ZNF827: variants seen among roughly 807,000 people sequenced by gnomAD.
ZNF827 encodes zinc finger protein 827.
ZNF827 carries 13 observed loss-of-function variants against 102.4 expected under a neutral mutation model. That is an observed-to-expected ratio of 0.13 (90% CI 0.08 to 0.20). The LOEUF (loss-of-function observed/expected upper bound fraction) is 0.20, where lower values mean the gene tolerates loss of function less well. Ranked by LOEUF, ZNF827 falls within the 10% of genes least tolerant of loss-of-function variation. The pLI is 1.00. For synonymous variants in ZNF827, 523 were observed against 536.2 expected (o/e 0.98, Z 0.34); for missense variants, 1,103 against 1,344.4 (o/e 0.82, Z 2.81).
intron 2 of ZNF827, among the ~76,000 whole-genome samples, chr4:145,900,825 C>T (rs1429964020): frequency 1.3e-5 from 2 of 152,130 alleles, no homozygotes; most frequent in Non-Finnish European, 1.5e-5. Flanking sequence ...CTCCTTTGCT[C>T]TTCTCCTTGT....
intron 1 of ZNF827, among the ~76,000 whole-genome samples, chr4:145,915,218 C>A (rs1053067253): frequency 6.6e-6 from 1 of 152,094 alleles, no homozygotes; most frequent in Non-Finnish European, 1.5e-5. Context: ...GAGGCTGAGG[C>A]GGGTGGATCA....
At chr4:145,872,787 A>C (rs2126767881) in intron 4 of ZNF827, among the ~76,000 whole-genome samples, 1 of 151,740 alleles carries the variant, frequency 6.6e-6, no homozygotes, top group South Asian at 2.1e-4. Flanking sequence ...AGGTAGGAGA[A>C]TCGCTTGAAC....
chr4:145,835,279 A>G (rs966488636), intron 7 of ZNF827: 3 of 151,982 alleles, frequency 2.0e-5, no homozygotes, highest in Non-Finnish European at 4.4e-5. Context: ...GCTTCGGGTA[A>G]CTCTCACAGT....
Position 145,903,050 on chromosome 4 carries a change from G to C in ZNF827, c.209C>G (p.Ser70Cys), listed in dbSNP as rs1236062910. ...IQEQSTSPDT[S>C]LGSTTPSSHT... ...GCTGCTGGGAGTCGTGCTTCCCAAG[G>C]AGGTGTCCGGGGACGTGGACTGCTC... is the stretch of plus-strand genomic sequence containing the variant. The change falls in exon 2 of 15, where the codon TCC becomes TGC. Residue 70 changes from serine (S) to cysteine (C), a missense_variant. By Grantham distance (112) the Ser-to-Cys change is moderately radical (BLOSUM62 -1). This residue lies in a region of ZNF827 where 441 missense variants were observed against 458.6 expected (regional missense o/e 0.96). Transcript: ENST00000508784. 6.2e-7 allele frequency: 1 copy of C among 1,614,084 alleles called. No individual in the cohort carries two copies. Among genetic ancestry groups the C allele is most frequent in the Non-Finnish European group, 8.5e-7 (1 of 1,180,046 alleles).
intron 4 of ZNF827, among the ~76,000 whole-genome samples, chr4:145,879,789 C>G (rs1749511314): frequency 6.6e-6 from 1 of 152,188 alleles, no homozygotes; most frequent in African/African-American, 2.4e-5. Context: ...ATAACAACAT[C>G]CAGAACATGC....
At chr4:145,813,706 C>T (rs1447586230) in intron 8 of ZNF827, among the ~76,000 whole-genome samples, 1 of 152,172 alleles carries the variant, frequency 6.6e-6, no homozygotes, top group Non-Finnish European at 1.5e-5. Context: ...AGATTTTATC[C>T]TGATGACAAC....
At chr4:145,814,790 A>T in intron 8 of ZNF827, among the ~76,000 whole-genome samples, 1 of 149,878 alleles carries the variant, frequency 6.7e-6, no homozygotes, top group Non-Finnish European at 1.5e-5. Flanking sequence ...AAAAAAAAAA[A>T]ATTTGCCGGG....
At chr4:145,794,760 T>G (rs1015838145) in intron 8 of ZNF827, among the ~76,000 whole-genome samples, 1 of 152,148 alleles carries the variant, frequency 6.6e-6, no homozygotes, top group Non-Finnish European at 1.5e-5. Flanking sequence ...GAAAAGGTTT[T>G]TACTTGTCAA....
chr4:145,910,315 A>C (rs1752188856), intron 1 of ZNF827, among the ~76,000 whole-genome samples: 1 of 152,142 alleles, frequency 6.6e-6, no homozygotes, highest in South Asian at 2.1e-4. Context: ...CTTCATATAA[A>C]GTGCTTAGCC....
Position 145,903,171 on chromosome 4 carries a change from C to T in ZNF827, c.88G>A (p.Glu30Lys). ...TCTGAAGAGTTTCCATACCAGTGTT[C>T]TCCTTCACTGAGCTCTCCCTCCGCC... ...EEAEGELSEG[E>K]HWYGNSSETP... Residue 30 changes from glutamate to lysine, a missense_variant, in exon 2 of 15, where the codon GAA (glutamate) becomes AAA (lysine). Coordinates refer to ENST00000508784, the MANE Select transcript of ZNF827 (RefSeq NM_001306215.2). 6.2e-7 allele frequency: 1 copy of T among 1,613,984 alleles called. No homozygotes were observed. The highest frequency in any genetic ancestry group is 1.1e-5 in the South Asian group (1 of 91,066).
intron 1 of ZNF827, among the ~76,000 whole-genome samples, chr4:145,920,464 C>T (rs889393207): frequency 2.6e-5 from 4 of 152,216 alleles, no homozygotes; most frequent in African/African-American, 4.8e-5. Context: ...GCATACGCCA[C>T]GGCCTCTGCT....
At chr4:145,926,985 C>A (rs1254058824) in intron 1 of ZNF827, among the ~76,000 whole-genome samples, 1 of 151,944 alleles carries the variant, frequency 6.6e-6, no homozygotes, top group African/African-American at 2.4e-5. Flanking sequence ...AATTTGATTT[C>A]TCACTTTCTT....
chr4:145,834,399 CCT>C (rs1472344533), intron 7 of ZNF827, among the ~76,000 whole-genome samples: 1 of 152,110 alleles, frequency 6.6e-6, no homozygotes, highest in African/African-American at 2.4e-5. Flanking sequence ...ACCCATCTGA[CCT>C]CTCCCTTCCT....
intron 4 of ZNF827, 46 bp downstream of exon 4, chr4:145,885,610 CAGAGAGAGAGAGAGAGAGAGAG>C (rs200461563): frequency 8.7e-5 from 102 of 1,174,742 alleles, no homozygotes; most frequent in South Asian, 5.2e-4. Context: ...TAGACAGAGA[CAGAGAGAGAGAGAGAGAGAGAG>C]AGAGAGAGAG....
At position 145,760,111 on chromosome 4, in the gene ZNF827, A is replaced by C. The variant is rs1734284998; in HGVS notation, c.*1505T>G. On this transcript the variant is annotated 3_prime_UTR_variant, in exon 15 of 15. Transcript: ENST00000508784. ...CAAGGTCTCCAGCGCTCTGGCGGAAATCTCCAGCAGCACTGTAGATGGCTA... is the reference window on the plus strand; with the variant it reads ...CAAGGTCTCCAGCGCTCTGGCGGAACTCTCCAGCAGCACTGTAGATGGCTA... 6.6e-6 allele frequency: 1 copy of C among 152,204 alleles called. No individual in the cohort carries two copies. Among genetic ancestry groups the C allele is most frequent in the African/African-American group, 2.4e-5 (1 of 41,444 alleles). 9.4% of individuals were successfully genotyped at this position (152,204 alleles called of 1,614,324 possible). A position where few individuals can be genotyped will look rare whatever the true frequency, so the allele number is the denominator to read the frequency against.
chr4:145,902,678 C>T lies in ZNF827; in HGVS notation c.581G>A (p.Gly194Asp), dbSNP rs1290289731. 6.2e-7 allele frequency: 1 copy of T among 1,613,834 alleles called. No homozygotes were observed. The highest frequency in any genetic ancestry group is 1.3e-5 in the African/African-American group (1 of 74,914). ...TPSNRFIWNQ[G>D]KWLPNSTTTC... ...GGTGGTTGAGTTTGGCAACCACTTA[C>T]CTTGATTCCATATAAAACGGTTACT... Residue 194 changes from glycine to aspartate, a missense_variant, in exon 2 of 15, where the codon GGT (glycine) becomes GAT (aspartate). Physicochemically the swap from Gly to Asp is moderately conservative, Grantham distance 94. Coordinates refer to ENST00000508784, the MANE Select transcript of ZNF827 (RefSeq NM_001306215.2). This position sits in a 1 kb window ranked among gnomAD's most constrained non-coding sequence, Gnocchi z 4.3.
chr4:145,787,693 AT>A (rs1431048392), intron 8 of ZNF827, among the ~76,000 whole-genome samples: 4 of 152,014 alleles, frequency 2.6e-5, no homozygotes, highest in Non-Finnish European at 5.9e-5. Context: ...GTCTCCAAAA[AT>A]TTTTATTAAT....
chr4:145,904,751 G>T (rs1451521420), intron 1 of ZNF827, among the ~76,000 whole-genome samples: 3 of 152,232 alleles, frequency 2.0e-5, no homozygotes, highest in African/African-American at 7.2e-5. Context: ...CACATGCACT[G>T]TGGTGCAGGA....
intron 11 of ZNF827, 106 bp downstream of exon 11, chr4:145,774,400 A>C: frequency 7.8e-7 from 1 of 1,279,824 alleles, no homozygotes; most frequent in Non-Finnish European, 1.1e-6. Context: ...CATGGAAGGA[A>C]AAGGGCAATG....
Sources: allele counts gnomAD v4.1 joint callset (sites outside exome capture counted in the v4.1 genomes callset), GRCh38; gene constraint gnomAD v4.1.1; regional missense constraint gnomAD v4.1.1; non-coding constraint Gnocchi (gnomAD v3.1); transcripts MANE v1.5; gene names NCBI Gene and HGNC (gene_info 2026-07-23, HGNC 2026-07-21).